EPG5: variants seen among roughly 807,000 people sequenced by gnomAD.
EPG5 encodes ectopic P-granules 5 autophagy tethering factor, also known as ectopic P granules protein 5 homolog.
In EPG5, 159 loss-of-function variants were observed where a neutral mutation model predicts 302.7. The observed-to-expected ratio is 0.53, with a 90% CI of 0.46 to 0.60. The LOEUF (loss-of-function observed/expected upper bound fraction) is 0.60. Ranked by LOEUF, EPG5 falls within the 20% of genes least tolerant of loss-of-function variation. The pLI is 0.00. For missense variants in EPG5, 2,896 were observed against 3,092.4 expected (o/e 0.94, Z 1.51); for synonymous variants, 1,158 against 1,136.8 (o/e 1.02, Z -0.37).
chr18:45,852,628 T>G lies in EPG5; in HGVS notation c.7579A>C (p.Met2527Leu), dbSNP rs771745709. Residue 2527 changes from methionine to leucine, a missense_variant, in exon 44 of 44, where the codon ATG becomes CTG. Physicochemically the swap from Met to Leu is conservative, Grantham distance 15. This residue lies in a region of EPG5 where 620 missense variants were observed against 704.2 expected (regional missense o/e 0.88). Coordinates refer to ENST00000282041, the MANE Select transcript of EPG5 (RefSeq NM_020964.3). ...AQQALNALES[M>L]ASSKQYVEYQ... Reference sequence around the variant, plus strand: ...TCAACATACTGCTTACTTGATGCCATGGATTCAAGAGCATTCAGAGCCTAA... The same window carrying G: ...TCAACATACTGCTTACTTGATGCCAGGGATTCAAGAGCATTCAGAGCCTAA... 6 of 1,614,114 alleles carry G rather than the reference T, an allele frequency of 3.7e-6. No individual in the cohort carries two copies. The highest frequency in any genetic ancestry group is 1.6e-4 in the Middle Eastern group (1 of 6,062).
At position 45,954,661 on chromosome 18, in the gene EPG5, C is replaced by T. The variant is rs765449856; in HGVS notation, c.741G>A (p.Pro247=). Reference sequence around the variant, plus strand: ...TAAATGGTACTAGTTCCAGTTGAGACGGGAGTTCTGGGTAGAGTCGCTCAC... The same window carrying T: ...TAAATGGTACTAGTTCCAGTTGAGATGGGAGTTCTGGGTAGAGTCGCTCAC... The part of the protein sequence containing the change: ...LRSERLYPEL[P]SQLELVPFTK... Residue 247 remains proline (P), a synonymous_variant, in exon 2 of 44, where the codon CCG becomes CCA. Coordinates refer to ENST00000282041, the MANE Select transcript of EPG5 (RefSeq NM_020964.3). 21 of 1,614,072 alleles carry T rather than the reference C, an allele frequency of 1.3e-5. No individual in the cohort carries two copies. Among genetic ancestry groups the T allele is most frequent in the Middle Eastern group, 1.6e-4 (1 of 6,084 alleles).
At chr18:45,811,673 T>C in the EPG5 span, among the ~76,000 whole-genome samples, 8 of 152,304 alleles carry the variant, frequency 5.3e-5, no homozygotes, top group South Asian at 1.7e-3. Context: ...AACCACATGA[T>C]TATCTCAATA....
At chr18:45,921,388 A>G (rs561011818) in intron 16 of EPG5, among the ~76,000 whole-genome samples, 1 of 152,210 alleles carries the variant, frequency 6.6e-6, no homozygotes, top group Non-Finnish European at 1.5e-5. Context: ...ACTAGAAAAA[A>G]ATTAATGCAT....
the EPG5 span, chr18:45,829,201 C>T: frequency 6.2e-6 from 6 of 964,482 alleles, no homozygotes; most frequent in Non-Finnish European, 7.4e-6. Context: ...GGGCCACACC[C>T]ACGCCACAGT....
chr18:45,957,950 A>G (rs1383399814), intron 1 of EPG5, among the ~76,000 whole-genome samples: 1 of 152,144 alleles, frequency 6.6e-6, no homozygotes, highest in Admixed American at 6.5e-5. Flanking sequence ...CAGGTTATAC[A>G]CCTGGCTCCT....
chr18:45,802,068 C>T, the EPG5 span, among the ~76,000 whole-genome samples: 4 of 152,166 alleles, frequency 2.6e-5, no homozygotes, highest in Admixed American at 1.3e-4. Flanking sequence ...ACCCCCAGCT[C>T]TTCCTGCCTT....
chr18:45,846,239 A>C (rs1013267182), downstream of EPG5, among the ~76,000 whole-genome samples: 2 of 152,022 alleles, frequency 1.3e-5, no homozygotes, highest in African/African-American at 4.8e-5. Context: ...GTAAGATCCC[A>C]GTGGAGGTCA....
intron 24 of EPG5, chr18:45,907,017 T>C (rs1186320432): frequency 6.6e-6 from 1 of 152,186 alleles, no homozygotes; most frequent in Non-Finnish European, 1.5e-5. Flanking sequence ...AATAAGCTCT[T>C]AGGAGGCAGG....
At chr18:45,881,795 A>G (rs1568118428) in intron 31 of EPG5, among the ~76,000 whole-genome samples, 1 of 152,358 alleles carries the variant, frequency 6.6e-6, no homozygotes, top group East Asian at 1.9e-4. Context: ...AAAGTCTATC[A>G]TTACATATGG....
chr18:45,847,332 T>C (rs1190219664), downstream of EPG5, among the ~76,000 whole-genome samples: 1 of 152,124 alleles, frequency 6.6e-6, no homozygotes, highest in Non-Finnish European at 1.5e-5. Flanking sequence ...TTTGTGCAAT[T>C]TTTATGGCCC....
rs766126331 is a variant in EPG5, at chr18:45,858,601, G to A, written c.7191C>T (p.Leu2397=). Residue 2397 remains leucine (L), a synonymous_variant, in exon 41 of 44, where the codon CTC becomes CTT. Coordinates refer to ENST00000282041, the MANE Select transcript of EPG5 (RefSeq NM_020964.3). The stretch of plus-strand genomic sequence containing the variant: ...CCTGTTCCAGCCACTTGCTTAAGAT[G>A]AGCAGCACTTTCATTTCATTCCTTA... ...QTLRNEMKVL[L]ILSKWLEQVY... The A allele has an allele frequency of 5.6e-6, 9 of 1,614,030 alleles. No homozygotes were observed. The highest frequency in any genetic ancestry group is 4.5e-5 in the East Asian group (2 of 44,890).
At chr18:45,853,905 G>A (rs962558933) in intron 43 of EPG5, among the ~76,000 whole-genome samples, 2 of 152,088 alleles carry the variant, frequency 1.3e-5, no homozygotes, top group African/African-American at 4.8e-5. Context: ...AGTCTACTTT[G>A]ACAGTTTGCC....
At chr18:45,896,367 G>C (rs915223185) in intron 27 of EPG5, among the ~76,000 whole-genome samples, 1 of 152,206 alleles carries the variant, frequency 6.6e-6, no homozygotes, top group Non-Finnish European at 1.5e-5. Flanking sequence ...GCAAACGAGT[G>C]AGGCCAGCAG....
intron 24 of EPG5, among the ~76,000 whole-genome samples, chr18:45,905,586 C>A (rs1291552378): frequency 1.3e-5 from 2 of 152,196 alleles, no homozygotes; most frequent in Non-Finnish European, 2.9e-5. Context: ...TAACTGTTAA[C>A]AGAGGCTAAT....
chr18:45,913,202 T>C (rs1351388323), intron 21 of EPG5, among the ~76,000 whole-genome samples: 1 of 152,172 alleles, frequency 6.6e-6, no homozygotes, highest in African/African-American at 2.4e-5. Context: ...TGCTGAATTC[T>C]TTGAGAGGCT....
At chr18:45,921,681 A>G (rs2050156974) in intron 16 of EPG5, among the ~76,000 whole-genome samples, 1 of 152,176 alleles carries the variant, frequency 6.6e-6, no homozygotes. Context: ...CAGGCATTTC[A>G]TTCTTCTAGA....
chr18:45,871,546 T>C (rs1438317258), intron 35 of EPG5, among the ~76,000 whole-genome samples: 1 of 152,166 alleles, frequency 6.6e-6, no homozygotes, highest in East Asian at 1.9e-4. Flanking sequence ...CTTCAAAAGA[T>C]GAATGGATTT....
the EPG5 span, among the ~76,000 whole-genome samples, chr18:45,836,695 C>T: frequency 1.3e-5 from 2 of 152,238 alleles, no homozygotes; most frequent in South Asian, 2.1e-4. Context: ...TCTCTCAGCT[C>T]CCTCCCTGCC....
intron 26 of EPG5, 84 bp downstream of exon 26, chr18:45,900,912 A>G: frequency 6.9e-7 from 1 of 1,453,356 alleles, no homozygotes; most frequent in Non-Finnish European, 9.4e-7. Flanking sequence ...AATGCTGACA[A>G]GGAAGCCACT....
Sources: allele counts gnomAD v4.1 joint callset (sites outside exome capture counted in the v4.1 genomes callset), GRCh38; gene constraint gnomAD v4.1.1; regional missense constraint gnomAD v4.1.1; transcripts MANE v1.5; gene names NCBI Gene and HGNC (gene_info 2026-07-23, HGNC 2026-07-21).